The following PPARGC1A variants were observed in gnomAD, a reference collection of about 807,000 sequenced individuals.
PPARGC1A encodes the protein PPARG coactivator 1 alpha.
In PPARGC1A, 25 loss-of-function variants were observed where a neutral mutation model predicts 88.7. The observed-to-expected ratio is 0.28, with a 90% CI of 0.21 to 0.39. The LOEUF is 0.39. Ranked by LOEUF, PPARGC1A falls within the 10% of genes least tolerant of loss-of-function variation. PPARGC1A has a pLI of 1.00. For synonymous variants in PPARGC1A, 363 were observed against 355.6 expected, an observed-to-expected ratio of 1.02 and a Z score of -0.24; for missense variants, 880 against 968.7, an observed-to-expected ratio of 0.91 and a Z score of 1.22.
the PPARGC1A span, among the ~76,000 whole-genome samples, chr4:24,396,758 ACC>A: frequency 1.3e-5 from 2 of 152,074 alleles, no homozygotes; most frequent in Non-Finnish European, 2.9e-5. Context: ...TCTCCCTGGT[ACC>A]CCTTCTCTAT....
chr4:24,319,637 T>G, the PPARGC1A span, among the ~76,000 whole-genome samples: 1 of 152,254 alleles, frequency 6.6e-6, no homozygotes, highest in Admixed American at 6.5e-5. Flanking sequence ...CTGTAGACAC[T>G]GTTTTCCCCA....
the PPARGC1A span, among the ~76,000 whole-genome samples, chr4:24,319,844 A>C: frequency 1.3e-4 from 20 of 152,328 alleles, no homozygotes; most frequent in South Asian, 1.2e-3. Context: ...ACCTTTCTCT[A>C]AAGTACCTCT....
At chr4:23,908,445 C>A, upstream of PPARGC1A, among the ~76,000 whole-genome samples, 1 of 151,114 alleles carries the variant, frequency 6.6e-6, no homozygotes, top group Non-Finnish European at 1.5e-5. Context: ...GAAATGTAAG[C>A]ATAAAATTCA....
At chr4:24,404,152 A>G in the PPARGC1A span, among the ~76,000 whole-genome samples, 3 of 152,084 alleles carry the variant, frequency 2.0e-5, no homozygotes, top group South Asian at 2.1e-4. Flanking sequence ...AATCCCAGCT[A>G]CTCAGGAGGC....
chr4:23,798,491 G>A (rs1484231359), intron 12 of PPARGC1A, among the ~76,000 whole-genome samples: 5 of 152,040 alleles, frequency 3.3e-5, no homozygotes, highest in Non-Finnish European at 4.4e-5. Flanking sequence ...ATCAATGAAT[G>A]GCAAAGAAAT....
intron 2 of PPARGC1A, among the ~76,000 whole-genome samples, chr4:23,855,299 G>C (rs1729999563): frequency 6.6e-6 from 1 of 152,036 alleles, no homozygotes; most frequent in South Asian, 2.1e-4. Context: ...TGCAACCCCT[G>C]ACCCTTCACT....
chr4:24,008,353 T>C, the PPARGC1A span, among the ~76,000 whole-genome samples: 3 of 152,168 alleles, frequency 2.0e-5, no homozygotes, highest in Admixed American at 6.5e-5. Flanking sequence ...GAGCTTTTTT[T>C]CCCCCTTGGC....
chr4:24,142,049 AAG>A, the PPARGC1A span, among the ~76,000 whole-genome samples: 1 of 152,212 alleles, frequency 6.6e-6, no homozygotes, highest in Non-Finnish European at 1.5e-5. Flanking sequence ...ATATTATTCT[AAG>A]AGAGTCAGCA....
the PPARGC1A span, among the ~76,000 whole-genome samples, chr4:24,095,902 C>G: frequency 6.6e-6 from 1 of 152,282 alleles, no homozygotes; most frequent in East Asian, 1.9e-4. Flanking sequence ...CTCACGGCAG[C>G]CTCATCACCT....
the PPARGC1A span, among the ~76,000 whole-genome samples, chr4:24,049,716 A>G: frequency 6.6e-6 from 1 of 152,090 alleles, no homozygotes; most frequent in South Asian, 2.1e-4. Flanking sequence ...TCATATGTAG[A>G]TTATTCCCTT....
the PPARGC1A span, among the ~76,000 whole-genome samples, chr4:24,135,611 T>A: frequency 6.6e-6 from 1 of 152,138 alleles, no homozygotes; most frequent in Non-Finnish European, 1.5e-5. Context: ...TCTCCTCCCA[T>A]CTGCAAAATG....
chr4:24,089,483 T>C, the PPARGC1A span, among the ~76,000 whole-genome samples: 9 of 71,322 alleles, frequency 1.3e-4, no homozygotes, highest in Admixed American at 1.2e-3. Flanking sequence ...GGATGCCTTT[T>C]TCTTTTCTTT....
At chr4:23,918,149 A>C in the PPARGC1A span, among the ~76,000 whole-genome samples, 1 of 152,220 alleles carries the variant, frequency 6.6e-6, no homozygotes, top group East Asian at 1.9e-4. Flanking sequence ...CTGCATGCCC[A>C]ATAACTACCA....
At chr4:24,328,960 C>G in the PPARGC1A span, among the ~76,000 whole-genome samples, 4 of 152,212 alleles carry the variant, frequency 2.6e-5, no homozygotes. Flanking sequence ...TTCCGTTGAA[C>G]CTTCCACAGT....
the PPARGC1A span, among the ~76,000 whole-genome samples, chr4:24,104,940 A>G: frequency 6.6e-6 from 1 of 152,168 alleles, no homozygotes; most frequent in Admixed American, 6.5e-5. Flanking sequence ...CCTCAATTTC[A>G]TCATCTGGAA....
chr4:24,187,201 G>T, the PPARGC1A span, among the ~76,000 whole-genome samples: 1 of 152,194 alleles, frequency 6.6e-6, no homozygotes, highest in Non-Finnish European at 1.5e-5. Flanking sequence ...GTGATGCAAT[G>T]ATGATGGCTA....
the PPARGC1A span, among the ~76,000 whole-genome samples, chr4:23,942,834 T>A: frequency 1.3e-5 from 2 of 152,194 alleles, no homozygotes; most frequent in African/African-American, 4.8e-5. Flanking sequence ...AAACTCTCCA[T>A]CTATGTTGGT....
chr4:24,064,987 G>A, the PPARGC1A span, among the ~76,000 whole-genome samples: 1 of 152,180 alleles, frequency 6.6e-6, no homozygotes, highest in Non-Finnish European at 1.5e-5. Context: ...AGATAGTTGT[G>A]CATTGAGCTC....
the PPARGC1A span, among the ~76,000 whole-genome samples, chr4:24,457,461 G>A: frequency 2.6e-5 from 4 of 152,144 alleles, no homozygotes; most frequent in Non-Finnish European, 5.9e-5. Context: ...CAATAATGAT[G>A]CCATAGGATA....
Sources: gnomAD v4.1 joint callset for allele counts (sites outside exome capture counted in the v4.1 genomes callset) on GRCh38, gnomAD v4.1.1 for gene constraint, MANE v1.5 for transcripts, NCBI Gene and HGNC (gene_info 2026-07-23, HGNC 2026-07-21) for gene names.